UVRAG: variants seen among roughly 807,000 people sequenced by gnomAD.
UVRAG encodes UV radiation resistance associated.
Under a neutral mutation model 78.0 loss-of-function variants are expected in UVRAG, and 19 were observed. The observed-to-expected ratio is 0.24, with a 90% CI of 0.17 to 0.36. The LOEUF (loss-of-function observed/expected upper bound fraction) is 0.36, where lower values mean the gene tolerates loss of function less well. Among genes scored for constraint, UVRAG ranks in the 10% least tolerant of loss-of-function variants. UVRAG has a pLI of 1.00. For missense variants in UVRAG, 740 were observed against 853.8 expected (o/e 0.87, Z 1.66); for synonymous variants, 323 against 324.6 (o/e 1.00, Z 0.05).
intron 12 of UVRAG, among the ~76,000 whole-genome samples, chr11:76,054,018 A>C (rs1950929726): frequency 6.6e-6 from 1 of 151,810 alleles, no homozygotes; most frequent in Non-Finnish European, 1.5e-5. Flanking sequence ...TTAAGGATAC[A>C]GTATAGGTTT....
chr11:75,883,388 GAA>G (rs1310332580), intron 4 of UVRAG, among the ~76,000 whole-genome samples: 1 of 108,726 alleles, frequency 9.2e-6, no homozygotes, highest in African/African-American at 3.4e-5. Flanking sequence ...AAAAAGAAAA[GAA>G]AAAAAAAAAA....
Position 76,120,931 on chromosome 11 carries a change from A to G in UVRAG, c.1397+4916A>G, listed in dbSNP as rs114927308. On this transcript the variant is annotated intron_variant, in intron 14 of 14. Transcript: ENST00000356136. Reference sequence around the variant, plus strand: ...AAGGGAGGCTCTTACATCTTTTGTAAAGCAAAACACTTCCATTTTCTGTGT... The same window carrying G: ...AAGGGAGGCTCTTACATCTTTTGTAGAGCAAAACACTTCCATTTTCTGTGT... 4.3e-3 allele frequency among the ~76,000 whole-genome samples: 658 copies of G among 152,254 alleles called. 3 individuals are homozygous for G. Among genetic ancestry groups the G allele is most frequent in the African/African-American group, 0.015 (634 of 41,544 alleles).
chr11:75,903,693 C>T (rs933982519), intron 5 of UVRAG, among the ~76,000 whole-genome samples: 1 of 152,138 alleles, frequency 6.6e-6, no homozygotes, highest in Non-Finnish European at 1.5e-5. Context: ...TTTAAAAAGC[C>T]TTTCTTATGG....
At chr11:76,101,609 C>G (rs1330698514) in intron 13 of UVRAG, among the ~76,000 whole-genome samples, 2 of 151,880 alleles carry the variant, frequency 1.3e-5, no homozygotes, top group African/African-American at 4.8e-5. Context: ...TAATTTTTGC[C>G]TTTGTTGCAG....
chr11:75,906,218 C>A (rs1947611198), intron 5 of UVRAG, among the ~76,000 whole-genome samples: 1 of 151,014 alleles, frequency 6.6e-6, no homozygotes, highest in Non-Finnish European at 1.5e-5. Flanking sequence ...GTATAATTTA[C>A]TGATTTTTTT....
At chr11:76,122,259 A>G (rs1952296309) in intron 14 of UVRAG, among the ~76,000 whole-genome samples, 1 of 152,124 alleles carries the variant, frequency 6.6e-6, no homozygotes, top group Admixed American at 6.5e-5. Flanking sequence ...TTCAGTGGAG[A>G]GTGGATCTGG....
chr11:76,073,237 A>G (rs1951346967), intron 13 of UVRAG, among the ~76,000 whole-genome samples: 2 of 152,164 alleles, frequency 1.3e-5, no homozygotes, highest in South Asian at 4.1e-4. Flanking sequence ...CTGCATACTG[A>G]AGTACAGTGG....
At chr11:75,875,851 T>C (rs964973751) in intron 3 of UVRAG, among the ~76,000 whole-genome samples, 4 of 151,940 alleles carry the variant, frequency 2.6e-5, no homozygotes, top group African/African-American at 9.7e-5. Flanking sequence ...TGGGCCTGGC[T>C]CTTGAATTAT....
chr11:75,881,944 T>C (rs1946954501), intron 4 of UVRAG, among the ~76,000 whole-genome samples: 1 of 152,188 alleles, frequency 6.6e-6, no homozygotes, highest in Non-Finnish European at 1.5e-5. Context: ...AGATTTAAAT[T>C]CAGGCCTGGC....
At chr11:75,837,180 A>G (rs1397652813) in intron 1 of UVRAG, among the ~76,000 whole-genome samples, 2 of 152,184 alleles carry the variant, frequency 1.3e-5, no homozygotes. Context: ...ACAAAAAATT[A>G]GCCGAGCGTG....
intron 12 of UVRAG, among the ~76,000 whole-genome samples, chr11:76,036,650 G>A (rs1950540563): frequency 6.6e-6 from 1 of 152,018 alleles, no homozygotes; most frequent in Non-Finnish European, 1.5e-5. Context: ...ATTGAGAGGT[G>A]TCAACATATA....
chr11:76,060,694 G>C (rs1369443699), intron 12 of UVRAG, among the ~76,000 whole-genome samples: 2 of 152,194 alleles, frequency 1.3e-5, no homozygotes, highest in African/African-American at 2.4e-5. Context: ...GGCAGTGAGG[G>C]GCTTAGCACC....
chr11:75,912,019 C>T lies in UVRAG; in HGVS notation c.573C>T (p.Tyr191=), dbSNP rs117432758. 86 of 1,612,126 alleles carry T rather than the reference C, an allele frequency of 5.3e-5. No homozygotes were observed. The East Asian group carries it at 9.6e-4, about 18-fold the overall frequency. Residue 191 remains tyrosine (Y), a synonymous_variant, in exon 6 of 15, where the codon TAC becomes TAT. Coordinates refer to ENST00000356136, the MANE Select transcript of UVRAG (RefSeq NM_003369.4). ...ATCAGAACTGTGTTCGCAATTCTTA[C>T]GATGTCTTCTCTTTGCTACGGTAAG... ...QVDQNCVRNS[Y]DVFSLLRLHR...
At chr11:76,092,304 G>A (rs1329713284) in intron 13 of UVRAG, among the ~76,000 whole-genome samples, 2 of 152,150 alleles carry the variant, frequency 1.3e-5, no homozygotes, top group African/African-American at 4.8e-5. Flanking sequence ...ACATACATGT[G>A]CATGTGCCTT....
intron 8 of UVRAG, among the ~76,000 whole-genome samples, chr11:75,996,647 TCCAGTAAAGCTTACTG>T: frequency 6.6e-6 from 1 of 152,224 alleles, no homozygotes; most frequent in South Asian, 2.1e-4. Flanking sequence ...TGTGAGCAAT[TCCAGTAAAGCTTACTG>T]GGGGCAGGCA....
intron 6 of UVRAG, among the ~76,000 whole-genome samples, chr11:75,951,193 G>A (rs772957037): frequency 6.6e-6 from 1 of 151,988 alleles, no homozygotes; most frequent in Non-Finnish European, 1.5e-5. Context: ...TGTGTATGAG[G>A]TGAGGTACAG....
intron 3 of UVRAG, among the ~76,000 whole-genome samples, chr11:75,863,339 G>A (rs984378204): frequency 1.3e-5 from 2 of 152,182 alleles, no homozygotes; most frequent in Non-Finnish European, 2.9e-5. Flanking sequence ...GAAATAGTTT[G>A]CAGACAGTTA....
chr11:75,899,167 T>G (rs1947426019), intron 5 of UVRAG, among the ~76,000 whole-genome samples: 1 of 152,220 alleles, frequency 6.6e-6, no homozygotes, highest in African/African-American at 2.4e-5. Context: ...GGACTGTTTA[T>G]AATAGCTGCT....
chr11:75,912,745 C>T (rs1947766397), intron 6 of UVRAG, among the ~76,000 whole-genome samples: 1 of 152,196 alleles, frequency 6.6e-6, no homozygotes, highest in African/African-American at 2.4e-5. Flanking sequence ...ACACATAATA[C>T]ATTTCAGAAC....
Sources: allele counts gnomAD v4.1 joint callset (sites outside exome capture counted in the v4.1 genomes callset), GRCh38; gene constraint gnomAD v4.1.1; transcripts MANE v1.5; gene names NCBI Gene and HGNC (gene_info 2026-07-23, HGNC 2026-07-21).